Variants in SLCO3A1 observed in about 807,000 individuals in gnomAD.
SLCO3A1 encodes solute carrier organic anion transporter family member 3A1.
SLCO3A1 carries 27 observed loss-of-function variants against 63.1 expected under a neutral mutation model. The ratio of observed to expected loss-of-function variants is 0.43; its 90% confidence interval spans 0.32 to 0.59. The LOEUF (loss-of-function observed/expected upper bound fraction) is 0.59, where lower values mean the gene tolerates loss of function less well. Among genes scored for constraint, SLCO3A1 ranks in the 20% least tolerant of loss-of-function variants. The pLI is 0.09. For missense variants in SLCO3A1, 773 were observed against 945.8 expected, an observed-to-expected ratio of 0.82 and a Z score of 2.40; for synonymous variants, 473 against 409.9, an observed-to-expected ratio of 1.15 and a Z score of -1.86.
intron 2 of SLCO3A1, among the ~76,000 whole-genome samples, chr15:91,978,733 T>C (rs949057065): frequency 4.6e-5 from 7 of 152,266 alleles, no homozygotes; most frequent in Admixed American, 1.3e-4. Context: ...ACTAAACTTA[T>C]AAATTATTAA....
intron 1 of SLCO3A1, among the ~76,000 whole-genome samples, chr15:91,907,927 G>A (rs1035883009): frequency 6.6e-6 from 1 of 152,066 alleles, no homozygotes; most frequent in Non-Finnish European, 1.5e-5. Flanking sequence ...GTGTAGAGAG[G>A]GCAGTACAGA....
chr15:91,876,588 AC>A (rs1897403705), intron 1 of SLCO3A1, among the ~76,000 whole-genome samples: 1 of 152,218 alleles, frequency 6.6e-6, no homozygotes, highest in South Asian at 2.1e-4. Flanking sequence ...TAGTCAAGCT[AC>A]CTAGAGCTGG....
intron 2 of SLCO3A1, among the ~76,000 whole-genome samples, chr15:92,025,966 G>A (rs2046568954): frequency 6.6e-6 from 1 of 152,198 alleles, no homozygotes; most frequent in Admixed American, 6.5e-5. Flanking sequence ...AGAGTGATCT[G>A]CTGTTGGCAC....
chr15:91,933,398 A>G (rs1193197315), intron 2 of SLCO3A1, among the ~76,000 whole-genome samples: 2 of 152,164 alleles, frequency 1.3e-5, no homozygotes, highest in African/African-American at 2.4e-5. Context: ...GAAGTAATCA[A>G]TTTTTCTTTG....
intron 2 of SLCO3A1, among the ~76,000 whole-genome samples, chr15:91,979,153 C>T (rs1200564701): frequency 6.6e-6 from 1 of 152,114 alleles, no homozygotes; most frequent in East Asian, 1.9e-4. Flanking sequence ...GGGTTTAGTA[C>T]CCCTTAGCCC....
At chr15:92,076,581 C>T (rs577610870) in intron 2 of SLCO3A1, among the ~76,000 whole-genome samples, 1 of 152,314 alleles carries the variant, frequency 6.6e-6, no homozygotes, top group South Asian at 2.1e-4. Context: ...TGCCGCTAGC[C>T]CACCCACTCT....
At chr15:91,993,748 A>G (rs1005515055) in intron 2 of SLCO3A1, among the ~76,000 whole-genome samples, 5 of 152,216 alleles carry the variant, frequency 3.3e-5, no homozygotes, top group African/African-American at 1.2e-4. Flanking sequence ...GACCTGTATA[A>G]CCAATAAGAT....
chr15:91,985,898 A>T (rs1421755390), intron 2 of SLCO3A1, among the ~76,000 whole-genome samples: 1 of 152,064 alleles, frequency 6.6e-6, no homozygotes, highest in Non-Finnish European at 1.5e-5. Context: ...TTCCTAGTCT[A>T]CGTGTAGGTG....
At chr15:91,974,265 G>GTTGTTATTATTATTATTATTA (rs147991710) in intron 2 of SLCO3A1, among the ~76,000 whole-genome samples, 4 of 142,956 alleles carry the variant, frequency 2.8e-5, no homozygotes, top group East Asian at 2.0e-4. Flanking sequence ...TTTCATTATT[G>GTTGTTATTATTATTATTATTA]TTATTATTAT....
intron 4 of SLCO3A1, among the ~76,000 whole-genome samples, chr15:92,114,674 C>T (rs1478864056): frequency 2.0e-5 from 3 of 152,080 alleles, no homozygotes; most frequent in Non-Finnish European, 4.4e-5. Context: ...TCATTTATCT[C>T]ATCTAAGACC....
rs750130297 is a variant in SLCO3A1 at position 91,975,147 on chromosome 15, CT to C, written c.646+58694del. The stretch of plus-strand genomic sequence containing the variant: ...TCTCAGAGTTAACCAGTGTTATTCT[CT>C]TTTTACCATTTAGGGAAGGCAGAGG... On this transcript the variant is annotated intron_variant, in intron 2 of 9. Coordinates refer to ENST00000318445, the MANE Select transcript of SLCO3A1 (RefSeq NM_013272.4). Among the ~76,000 whole-genome samples the C allele has an allele frequency of 7.9e-5, 12 of 152,324 alleles. 1 individual carries two copies. Among genetic ancestry groups the C allele is most frequent in the African/African-American group, 2.9e-4 (12 of 41,562 alleles).
At chr15:91,938,886 G>T (rs887128492) in intron 2 of SLCO3A1, among the ~76,000 whole-genome samples, 1 of 152,168 alleles carries the variant, frequency 6.6e-6, no homozygotes. Flanking sequence ...CCACCAGGAG[G>T]TTTTATCCTA....
intron 7 of SLCO3A1, among the ~76,000 whole-genome samples, chr15:92,130,140 C>T (rs757989304): frequency 6.6e-6 from 1 of 152,162 alleles, no homozygotes; most frequent in Non-Finnish European, 1.5e-5. Flanking sequence ...GTCTCTATTC[C>T]AGGGAATGCA....
chr15:92,060,425 T>C (rs2047072872), intron 2 of SLCO3A1, among the ~76,000 whole-genome samples: 1 of 151,676 alleles, frequency 6.6e-6, no homozygotes, highest in African/African-American at 2.4e-5. Flanking sequence ...CTGGGCGCTG[T>C]GATGCACGCC....
intron 2 of SLCO3A1, among the ~76,000 whole-genome samples, chr15:91,963,734 C>A (rs756313106): frequency 6.6e-6 from 1 of 151,848 alleles, no homozygotes; most frequent in African/African-American, 2.4e-5. Context: ...TTCGTGGTCT[C>A]GCTGACTTCA....
chr15:91,896,021 C>T (rs1420237512), intron 1 of SLCO3A1, among the ~76,000 whole-genome samples: 1 of 152,188 alleles, frequency 6.6e-6, no homozygotes, highest in African/African-American at 2.4e-5. Flanking sequence ...TGTCATTTTG[C>T]TCCTCTAAAG....
At chr15:91,990,810 TAAACTC>T (rs1266930049) in intron 2 of SLCO3A1, among the ~76,000 whole-genome samples, 2 of 152,174 alleles carry the variant, frequency 1.3e-5, no homozygotes, top group African/African-American at 4.8e-5. Context: ...ATACAGCTCT[TAAACTC>T]AAATGCCTCC....
intron 2 of SLCO3A1, among the ~76,000 whole-genome samples, chr15:91,944,818 C>CCT (rs538076068): frequency 4.6e-5 from 7 of 151,792 alleles, no homozygotes; most frequent in African/African-American, 1.2e-4. Context: ...GAGCAGGCTC[C>CCT]CTCTCTCTCT....
chr15:92,042,392 C>T (rs2046810748), intron 2 of SLCO3A1, among the ~76,000 whole-genome samples: 1 of 151,916 alleles, frequency 6.6e-6, no homozygotes, highest in Admixed American at 6.6e-5. Context: ...TTTTATTATG[C>T]CGTCTAGAAA....
Sources: allele counts gnomAD v4.1 joint callset (sites outside exome capture counted in the v4.1 genomes callset), GRCh38; gene constraint gnomAD v4.1.1; transcripts MANE v1.5; gene names NCBI Gene and HGNC (gene_info 2026-07-23, HGNC 2026-07-21).